TFB1M: variants seen among roughly 807,000 people sequenced by gnomAD.
TFB1M encodes dimethyladenosine transferase 1, mitochondrial.
TFB1M carries 27 observed loss-of-function variants against 31.1 expected under a neutral mutation model. The ratio of observed to expected loss-of-function variants is 0.87; its 90% confidence interval spans 0.64 to 1.20. The LOEUF (loss-of-function observed/expected upper bound fraction) is 1.20. Among genes scored for constraint, TFB1M ranks in the 50% most tolerant of loss-of-function variants. The pLI, the probability that TFB1M is intolerant of heterozygous loss-of-function variation, is 0.00. For synonymous variants in TFB1M, 166 were observed against 151.8 expected (o/e 1.09, Z -0.69); for missense variants, 394 against 418.7 (o/e 0.94, Z 0.51).
chr6:155,257,871 T>TTTC lies in TFB1M; in HGVS notation c.1003_1005dup (p.Glu335dup), dbSNP rs763070537. On this transcript the variant is annotated inframe_insertion, in exon 7 of 7. Coordinates refer to ENST00000367166, the MANE Select transcript of TFB1M (RefSeq NM_016020.4). ...TAATTCTCTGCGTCATCCTCTTCTT[T>TTTC]TTCTTCATTTTTGCTTTTTCTTCGC... 1.4e-5 allele frequency: 23 copies of TTTC among 1,614,054 alleles called. No homozygotes were observed. Among genetic ancestry groups the TTTC allele is most frequent in the South Asian group, 2.2e-5 (2 of 91,086 alleles).
the TFB1M span, among the ~76,000 whole-genome samples, chr6:155,242,135 C>T: frequency 6.6e-6 from 1 of 152,170 alleles, no homozygotes; most frequent in South Asian, 2.1e-4. Context: ...TTAGGGCCCC[C>T]CTGGGTTGCA....
At chr6:155,307,053 C>G (rs1777799284) in intron 2 of TFB1M, among the ~76,000 whole-genome samples, 1 of 151,928 alleles carries the variant, frequency 6.6e-6, no homozygotes, top group African/African-American at 2.4e-5. Flanking sequence ...CCCAGGAGGT[C>G]AAGGCTGCAG....
At chr6:155,241,104 C>T in the TFB1M span, among the ~76,000 whole-genome samples, 1 of 152,166 alleles carries the variant, frequency 6.6e-6, no homozygotes, top group Non-Finnish European at 1.5e-5. Context: ...ACAGTCTTGG[C>T]GGTGGCCCGG....
Position 155,258,010 on chromosome 6 carries a change from A to C in TFB1M, c.867T>G (p.Thr289=). 1 of 1,614,232 alleles carries C rather than the reference A, an allele frequency of 6.2e-7. No homozygotes were observed. The highest frequency in any genetic ancestry group is 8.5e-7 in the Non-Finnish European group (1 of 1,180,038). Residue 289 remains threonine, a synonymous_variant, in exon 7 of 7, where the codon ACT becomes ACG. Transcript: ENST00000367166. ...RLLELADIDP[T]LRPRQLSISH... ...AGATGGAGAGCTGGCGGGGCCGAAG[A>C]GTAGGGTCTATGTCTGCCAACTCTA...
At chr6:155,260,566 A>C (rs1469368061) in intron 5 of TFB1M, 166 bp from the exon 6 acceptor site, 1 of 835,974 alleles carries the variant, frequency 1.2e-6, no homozygotes, top group Non-Finnish European at 1.9e-6. Flanking sequence ...AAGATGGTAC[A>C]TTCTGGATTC....
chr6:155,247,851 G>T, the TFB1M span: 1 of 989,520 alleles, frequency 1.0e-6, no homozygotes, highest in Non-Finnish European at 1.5e-6. Flanking sequence ...ACAGCTGGGT[G>T]CCTGACCCAC....
chr6:155,235,876 T>C, the TFB1M span, among the ~76,000 whole-genome samples: 9 of 152,250 alleles, frequency 5.9e-5, no homozygotes, highest in Non-Finnish European at 1.2e-4. Context: ...ACTTTAACAC[T>C]GCATTGTTAG....
chr6:155,234,003 T>TGG, the TFB1M span, among the ~76,000 whole-genome samples: 37 of 147,348 alleles, frequency 2.5e-4, 1 homozygote, highest in African/African-American at 9.2e-4. Context: ...AAATTTTTTT[T>TGG]GGGGGGGGGT....
At chr6:155,293,008 T>G (rs1777004375) in intron 4 of TFB1M, among the ~76,000 whole-genome samples, 1 of 152,076 alleles carries the variant, frequency 6.6e-6, no homozygotes, top group Non-Finnish European at 1.5e-5. Flanking sequence ...TTTTATTTAT[T>G]TTTTGTAGAG....
the TFB1M span, among the ~76,000 whole-genome samples, chr6:155,241,935 A>T: frequency 1.5e-3 from 227 of 152,312 alleles, no homozygotes; most frequent in African/African-American, 5.1e-3. Context: ...CCCAAGAGTT[A>T]AGGGCAGAGT....
At position 155,257,619 on chromosome 6, in the gene TFB1M, A is replaced by G. The variant is rs1195974820; in HGVS notation, c.*217T>C. On this transcript the variant is annotated 3_prime_UTR_variant, in exon 7 of 7. Coordinates refer to ENST00000367166, the MANE Select transcript of TFB1M (RefSeq NM_016020.4). ...AGATGCTGTTTATACTAAACATGTC[A>G]TAACTATCTATACAGTATATATTAA... 5 of 551,954 alleles carry G rather than the reference A, an allele frequency of 9.1e-6. No individual in the cohort carries two copies. In the Admixed American group the frequency reaches 1.7e-4, roughly 19 times the overall value. The allele number at this position is 551,954 out of a possible 1,614,324, so 34.2% of individuals were successfully genotyped here.
chr6:155,307,834 A>G (rs1390542412), intron 2 of TFB1M, among the ~76,000 whole-genome samples: 1 of 152,112 alleles, frequency 6.6e-6, no homozygotes, highest in Non-Finnish European at 1.5e-5. Context: ...ATGTTTTAAG[A>G]AAGTTTAAGA....
intron 1 of TFB1M, chr6:155,314,089 C>G: frequency 3.5e-6 from 5 of 1,448,456 alleles, no homozygotes; most frequent in Non-Finnish European, 4.5e-6. Context: ...CCCCCCCGAA[C>G]GCGGAGTTTT....
chr6:155,288,747 G>C (rs1435852296), intron 4 of TFB1M, among the ~76,000 whole-genome samples: 3 of 152,142 alleles, frequency 2.0e-5, no homozygotes, highest in African/African-American at 7.2e-5. Context: ...AGCACACATA[G>C]CTGTCCCTAA....
Position 155,285,165 on chromosome 6 carries a change from T to C in TFB1M, c.659A>G (p.Lys220Arg). The C allele has an allele frequency of 3.7e-6, 6 of 1,613,942 alleles. No individual in the cohort carries two copies. Among genetic ancestry groups the C allele is most frequent in the Non-Finnish European group, 5.1e-6 (6 of 1,179,860 alleles). Residue 220 changes from lysine (K) to arginine (R), a missense_variant, in exon 5 of 7, where the codon AAA becomes AGA. Lys to Arg is a conservative substitution (Grantham distance 26). Transcript: ENST00000367166. ...AAATAAGCAGAAACTTACCTCTGGT[T>C]TGGGGACAAAAGCTTGTCCTGGAAT... The part of the protein sequence containing the change: ...FTIPGQAFVP[K>R]PEVDVGVVHF...
At chr6:155,307,207 A>G (rs902270262) in intron 2 of TFB1M, among the ~76,000 whole-genome samples, 1 of 152,056 alleles carries the variant, frequency 6.6e-6, no homozygotes, top group Non-Finnish European at 1.5e-5. Flanking sequence ...GTACACTTTA[A>G]GTATGTGCAG....
chr6:155,238,114 T>G, the TFB1M span, among the ~76,000 whole-genome samples: 1 of 152,218 alleles, frequency 6.6e-6, no homozygotes, highest in Non-Finnish European at 1.5e-5. Flanking sequence ...TGTTTAGAAA[T>G]TTCTTCTCCC....
intron 5 of TFB1M, among the ~76,000 whole-genome samples, chr6:155,283,185 C>T (rs1280281926): frequency 6.6e-6 from 1 of 152,082 alleles, no homozygotes; most frequent in Admixed American, 6.5e-5. Flanking sequence ...AATCCCGGCA[C>T]TTTGGGAGGC....
chr6:155,312,334 C>T (rs162983), intron 1 of TFB1M, among the ~76,000 whole-genome samples: 2,859 of 152,292 alleles, frequency 0.019, 70 homozygotes, highest in African/African-American at 0.049. Flanking sequence ...TGGATTTACA[C>T]ACATTCTCAC....
Sources: gnomAD v4.1 joint callset for allele counts (sites outside exome capture counted in the v4.1 genomes callset) on GRCh38, gnomAD v4.1.1 for gene constraint, MANE v1.5 for transcripts, NCBI Gene and HGNC (gene_info 2026-07-23, HGNC 2026-07-21) for gene names.